A2M: variants seen among roughly 807,000 people sequenced by gnomAD.
A2M encodes the protein alpha-2-macroglobulin, also known as C3 and PZP-like alpha-2-macroglobulin domain-containing protein 5.
Under a neutral mutation model 183.9 loss-of-function variants are expected in A2M, and 128 were observed. The ratio of observed to expected loss-of-function variants is 0.70; its 90% CI spans 0.60 to 0.81. A2M has a LOEUF of 0.81. A2M is among the 30% of genes least tolerant of loss of function. A2M has a pLI of 0.00. For synonymous variants in A2M, 592 were observed against 670.8 expected (o/e 0.88, Z 1.81); for missense variants, 1,495 against 1,787.6 (o/e 0.84, Z 2.95).
At position 9,101,620 on chromosome 12, in the gene A2M, G is replaced by A; in HGVS notation, c.1321C>T (p.His441Tyr). ...CYGYQWVSEE[H>Y]EEAHHTAYLV... ...TAAGCAGTGTGATGTGCCTCTTCGT[G>A]TTCTTCTGACACCCACTGGTAGCCG... is the stretch of plus-strand genomic sequence containing the variant. Residue 441 changes from histidine to tyrosine, a missense_variant, in exon 12 of 36, where the codon CAC becomes TAC. By Grantham distance (83) the His-to-Tyr change is moderately conservative. Transcript: ENST00000318602. The A allele has an allele frequency of 6.2e-7, 1 of 1,613,964 alleles. No homozygotes were observed. The highest frequency in any genetic ancestry group is 8.5e-7 in the Non-Finnish European group (1 of 1,179,890).
Position 9,094,901 on chromosome 12 carries a change from A to G in A2M, c.2125+72T>C, listed in dbSNP as rs749509258. 5.0e-5 allele frequency: 39 copies of G among 784,676 alleles called. No homozygotes were observed. The African/African-American group carries it at 5.9e-4, about 12-fold the overall frequency. 48.6% of individuals were successfully genotyped at this position (784,676 alleles called of 1,614,324 possible). ...CTTTTTGTTTGTTAATTTTTGTCAC[A>G]TTGTATCTTTTAAAAAATTTAAAAT... On this transcript the variant is annotated intron_variant, in intron 17 of 35. Coordinates refer to ENST00000318602, the MANE Select transcript of A2M (RefSeq NM_000014.6).
At position 9,115,835 on chromosome 12, in the gene A2M, T is replaced by G; in HGVS notation, c.15A>C (p.Lys5Asn). Residue 5 changes from lysine to asparagine, a missense_variant, in exon 1 of 36, where the codon AAA becomes AAC. Lys to Asn is a moderately conservative substitution (Grantham distance 94). Coordinates refer to ENST00000318602, the MANE Select transcript of A2M (RefSeq NM_000014.6). ...GAAGAACCAGACTTGGATGAAGGAG[T>G]TTGTTCTTCCCCATGTTGCAGAAAG... MGKN[K>N]LLHPSLVLLL... 6.2e-7 allele frequency: 1 copy of G among 1,612,798 alleles called. No individual in the cohort carries two copies. Among genetic ancestry groups the G allele is most frequent in the Non-Finnish European group, 8.5e-7 (1 of 1,179,228 alleles).
At chr12:9,074,906 T>C in intron 28 of A2M, 123 bp from the exon 29 acceptor site, 1 of 1,025,036 alleles carries the variant, frequency 9.8e-7, no homozygotes, top group Non-Finnish European at 1.4e-6. Context: ...GTACTGTATG[T>C]AGATGCTTTT....
At chr12:9,068,128 G>T in intron 35 of A2M, 55 bp downstream of exon 35, 1 of 1,581,044 alleles carries the variant, frequency 6.3e-7, no homozygotes. Context: ...GAGAAGGTTT[G>T]GGGGGCAAGC....
In A2M at chr12:9,101,170, T is replaced by G; in HGVS notation, c.1532A>C (p.His511Pro). 1 of 1,561,698 alleles carries G rather than the reference T, an allele frequency of 6.4e-7. No individual in the cohort carries two copies. The highest frequency in any genetic ancestry group is 8.7e-7 in the Non-Finnish European group (1 of 1,152,062). The change falls in exon 13 of 36, where the codon CAT (histidine) becomes CCT (proline). Residue 511 changes from histidine to proline, a missense_variant. Coordinates refer to ENST00000318602, the MANE Select transcript of A2M (RefSeq NM_000014.6). Reference sequence around the variant, plus strand: ...GTCTTCCTGCTTCACAAGCAGTCCATGAGTCCCAGTTCGGACAATGCCTCC... The same window carrying G: ...GTCTTCCTGCTTCACAAGCAGTCCAGGAGTCCCAGTTCGGACAATGCCTCC... ...AKGGIVRTGTHGLLVKQEDMK... is the reference protein window; with the variant it reads ...AKGGIVRTGTPGLLVKQEDMK...
At chr12:9,079,881 A>G in intron 23 of A2M, 66 bp from the exon 24 acceptor site, 2 of 1,377,918 alleles carry the variant, frequency 1.5e-6, no homozygotes, top group Non-Finnish European at 1.9e-6. Context: ...GTCATTAAGC[A>G]GAAATAATTA....
intron 12 of A2M, 60 bp from the exon 13 acceptor site, chr12:9,101,267 C>T: frequency 6.7e-7 from 1 of 1,497,574 alleles, no homozygotes; most frequent in Non-Finnish European, 9.1e-7. Context: ...TTCAGTCTCA[C>T]TTCAATATAC....
Position 9,074,735 on chromosome 12 carries a change from C to G in A2M, c.3581G>C (p.Gly1194Ala). 6.2e-7 allele frequency: 1 copy of G among 1,613,754 alleles called. No homozygotes were observed. The highest frequency in any genetic ancestry group is 8.5e-7 in the Non-Finnish European group (1 of 1,179,908). Residue 1194 changes from glycine to alanine, a missense_variant, in exon 29 of 36, where the codon GGG becomes GCG. By Grantham distance (60) the Gly-to-Ala change is moderately conservative. Transcript: ENST00000318602. ...GGGAGCCTGGGGTTCGTAAAAATGCCCCACTGGTGCCTTGGGTTTCTGAGG... is the reference window on the plus strand; with the variant it reads ...GGGAGCCTGGGGTTCGTAAAAATGCGCCACTGGTGCCTTGGGTTTCTGAGG... ...ERPQKPKAPV[G>A]HFYEPQAPSA... is the part of the protein sequence containing the mutation.
Position 9,089,954 on chromosome 12 carries a change from G to T in A2M, c.2666C>A (p.Ser889Ter). Residue 889 changes from serine (S) to a stop codon, truncating the protein, a stop_gained, in exon 21 of 36, where the codon TCA becomes TAA. Coordinates refer to ENST00000318602, the MANE Select transcript of A2M (RefSeq NM_000014.6). LOFTEE classifies it high-confidence loss of function. ...SQELCGTEVP[S>*]VPEHGRKDTV... ...GTCTTTCCTTCCGTGTTCAGGAACT[G>T]AAGGCACCTCAGTCCCACACAGCTC... 2 of 1,612,586 alleles carry T rather than the reference G, an allele frequency of 1.2e-6. No homozygotes were observed. The highest frequency in any genetic ancestry group is 1.7e-6 in the Non-Finnish European group (2 of 1,178,932).
At chr12:9,073,904 A>G (rs1948654654) in intron 29 of A2M, among the ~76,000 whole-genome samples, 1 of 152,142 alleles carries the variant, frequency 6.6e-6, no homozygotes. Context: ...CCTGGGCAAC[A>G]TGGCAAAACC....
At position 9,077,796 on chromosome 12, in the gene A2M, C is replaced by T. The variant is rs764846271; in HGVS notation, c.3181G>A (p.Ala1061Thr). 3.1e-6 allele frequency: 5 copies of T among 1,614,156 alleles called. No individual in the cohort carries two copies. Among genetic ancestry groups the T allele is most frequent in the Admixed American group, 1.7e-5 (1 of 60,012 alleles). Residue 1061 changes from alanine (A) to threonine (T), a missense_variant, in exon 26 of 36, where the codon GCA becomes ACA. By Grantham distance (58) the Ala-to-Thr change is moderately conservative. Coordinates refer to ENST00000318602, the MANE Select transcript of A2M (RefSeq NM_000014.6). The stretch of plus-strand genomic sequence containing the variant: ...CATATGAGGGCTTGGGTAATGTGTG[C>T]TTCATCGATGAAGATGTAGGCTCGA... ...QARAYIFIDE[A>T]HITQALIWLS... is the part of the protein sequence containing the mutation.
chr12:9,114,963 C>T (rs226381), intron 1 of A2M, among the ~76,000 whole-genome samples: 85,237 of 151,976 alleles, frequency 0.56, 25,524 homozygotes, highest in African/African-American at 0.76. Context: ...GAATGATGAG[C>T]TGTTTTTTCC....
At chr12:9,104,207 T>C in intron 11 of A2M, 32 bp downstream of exon 11, 1 of 1,597,226 alleles carries the variant, frequency 6.3e-7, no homozygotes, top group Non-Finnish European at 8.5e-7. Flanking sequence ...CAAGGCTACT[T>C]CATGTCATTG....
At chr12:9,104,552 T>A (rs75283127) in intron 10 of A2M, among the ~76,000 whole-genome samples, 152 bp from the exon 11 acceptor site, 3,743 of 152,076 alleles carry the variant, frequency 0.025, 154 homozygotes, top group African/African-American at 0.085. Flanking sequence ...GTTTCTTCCA[T>A]CACAGAGCTT....
At chr12:9,081,268 C>T (rs1248151052) in intron 22 of A2M, among the ~76,000 whole-genome samples, 1 of 151,912 alleles carries the variant, frequency 6.6e-6, no homozygotes, top group Non-Finnish European at 1.5e-5. Context: ...TAAATTAAAA[C>T]AACAGCAAAA....
At chr12:9,103,948 C>G (rs776842746) in intron 11 of A2M, among the ~76,000 whole-genome samples, 2 of 152,158 alleles carry the variant, frequency 1.3e-5, no homozygotes, top group Non-Finnish European at 2.9e-5. Flanking sequence ...ATTACTGGAT[C>G]ATTTGGTAAT....
intron 17 of A2M, among the ~76,000 whole-genome samples, chr12:9,094,340 C>CATATATATATATATAT (rs59647548): frequency 8.2e-5 from 8 of 97,030 alleles, no homozygotes; most frequent in South Asian, 4.0e-4. Flanking sequence ...AAAAATTGTG[C>CATATATATATATATAT]ATATATATAT....
intron 8 of A2M, 132 bp downstream of exon 8, chr12:9,107,392 G>T: frequency 2.6e-6 from 3 of 1,142,536 alleles, no homozygotes; most frequent in Non-Finnish European, 3.6e-6. Flanking sequence ...GATTTTTTTT[G>T]AAAAATTACA....
upstream of A2M, chr12:9,116,001 G>C: frequency 1.4e-6 from 1 of 697,522 alleles, no homozygotes. Flanking sequence ...TCTAAACAAA[G>C]TTGAGGTCTC....
Sources: allele counts gnomAD v4.1 joint callset (sites outside exome capture counted in the v4.1 genomes callset), GRCh38; gene constraint gnomAD v4.1.1; transcripts MANE v1.5; gene names NCBI Gene and HGNC (gene_info 2026-07-23, HGNC 2026-07-21).